ST18: variants seen among roughly 807,000 people sequenced by gnomAD.
ST18 encodes suppression of tumorigenicity 18 protein.
ST18 carries 50 observed loss-of-function variants against 110.0 expected under a neutral mutation model. The observed-to-expected ratio is 0.45, with a 90% CI of 0.36 to 0.58. ST18 has a LOEUF of 0.58. ST18 is among the 20% of genes least tolerant of loss of function. The pLI is 0.00. For missense variants in ST18, 1,306 were observed against 1,280.1 expected (o/e 1.02, Z -0.31); for synonymous variants, 461 against 452.4 (o/e 1.02, Z -0.24).
intron 9 of ST18, among the ~76,000 whole-genome samples, chr8:52,176,765 T>C (rs555419317): frequency 6.6e-6 from 1 of 152,320 alleles, no homozygotes; most frequent in East Asian, 1.9e-4. Flanking sequence ...TAAAACATCC[T>C]CTGAAAGTCA....
At chr8:52,278,661 C>T (rs2095319912) in intron 2 of ST18, among the ~76,000 whole-genome samples, 1 of 152,160 alleles carries the variant, frequency 6.6e-6, no homozygotes, top group Non-Finnish European at 1.5e-5. Flanking sequence ...CACAAACAAA[C>T]ACACTTGCCC....
At chr8:52,141,642 G>GTCA (rs2055104885) in intron 17 of ST18, among the ~76,000 whole-genome samples, 1 of 126,308 alleles carries the variant, frequency 7.9e-6, no homozygotes, top group African/African-American at 4.7e-5. Flanking sequence ...TCTCACATAA[G>GTCA]TGATTGAGAG....
intron 2 of ST18, among the ~76,000 whole-genome samples, chr8:52,384,046 C>A (rs190873309): frequency 6.6e-6 from 1 of 152,282 alleles, no homozygotes; most frequent in African/African-American, 2.4e-5. Flanking sequence ...AAGAAATGCA[C>A]CTCTATACCA....
At chr8:52,243,403 C>A (rs544259719) in intron 2 of ST18, among the ~76,000 whole-genome samples, 1 of 152,084 alleles carries the variant, frequency 6.6e-6, no homozygotes, top group African/African-American at 2.4e-5. Flanking sequence ...TGACTGGAAC[C>A]CAGGAGTACT....
intron 8 of ST18, among the ~76,000 whole-genome samples, chr8:52,210,603 A>C (rs1187287518): frequency 6.6e-6 from 1 of 152,172 alleles, no homozygotes; most frequent in Non-Finnish European, 1.5e-5. Context: ...GGCTGCAGCA[A>C]ACCATGATTG....
chr8:52,139,662 A>C (rs1320022312), intron 17 of ST18, among the ~76,000 whole-genome samples: 1 of 148,718 alleles, frequency 6.7e-6, no homozygotes, highest in East Asian at 1.9e-4. Context: ...GGCCTATTTT[A>C]TATTTTTAAA....
At position 52,363,129 on chromosome 8, in the gene ST18, G is replaced by A. The variant is rs188839207; in HGVS notation, c.-465+46199C>T. Among the ~76,000 whole-genome samples, 828 of 152,196 alleles carry A rather than the reference G, an allele frequency of 5.4e-3. 27 individuals are homozygous for A. Among genetic ancestry groups the A allele is most frequent in the Admixed American group, 0.043 (655 of 15,298 alleles). Reference sequence around the variant, plus strand: ...TGGGAGGCTGAGGCAGGAGAATGGCGTGAGCCTGGGAGGCAGAGCTTGCAG... The same window carrying A: ...TGGGAGGCTGAGGCAGGAGAATGGCATGAGCCTGGGAGGCAGAGCTTGCAG... On this transcript the variant is annotated intron_variant, in intron 2 of 25. Coordinates refer to ENST00000689386, the MANE Select transcript of ST18 (RefSeq NM_001352837.2).
At chr8:52,242,323 G>C (rs1169858056) in intron 2 of ST18, among the ~76,000 whole-genome samples, 3 of 152,180 alleles carry the variant, frequency 2.0e-5, no homozygotes, top group South Asian at 4.1e-4. Flanking sequence ...TAGAGTAAAA[G>C]CACAGAGGCA....
At chr8:52,166,472 G>T (rs990028877) in intron 11 of ST18, among the ~76,000 whole-genome samples, 1 of 152,082 alleles carries the variant, frequency 6.6e-6, no homozygotes, top group African/African-American at 2.4e-5. Flanking sequence ...AGTCAAACTG[G>T]CCAGTCCTAA....
Position 52,169,643 on chromosome 8 carries a change from A to G in ST18, c.1069+2149T>C, listed in dbSNP as rs117738481. The stretch of plus-strand genomic sequence containing the variant: ...TTGGGATAAGCATTGACTTAACAGC[A>G]TGGAGTGCATGTCAGAGAGAAAAAA... On this transcript the variant is annotated intron_variant, in intron 10 of 25. Coordinates refer to ENST00000689386, the MANE Select transcript of ST18 (RefSeq NM_001352837.2). Among the ~76,000 whole-genome samples, 523 of 152,348 alleles carry G rather than the reference A, an allele frequency of 3.4e-3. 3 individuals are homozygous for G. Among genetic ancestry groups the G allele is most frequent in the Middle Eastern group, 0.024 (7 of 294 alleles).
At chr8:52,125,464 C>T (rs1439320048) in intron 23 of ST18, among the ~76,000 whole-genome samples, 1 of 152,054 alleles carries the variant, frequency 6.6e-6, no homozygotes, top group Non-Finnish European at 1.5e-5. Flanking sequence ...AAGGACACAA[C>T]TTCCACTAGT....
intron 2 of ST18, chr8:52,407,131 C>T (rs563441955): frequency 6.6e-6 from 1 of 152,220 alleles, no homozygotes; most frequent in African/African-American, 2.4e-5. Flanking sequence ...TTATAATAAC[C>T]CTAAAACAAA....
chr8:52,289,032 C>A (rs1454642459), intron 2 of ST18, among the ~76,000 whole-genome samples: 2 of 152,174 alleles, frequency 1.3e-5, no homozygotes, highest in Admixed American at 1.3e-4. Context: ...TCTCCATCTG[C>A]ACCTGTACTG....
chr8:52,142,905 G>T (rs763296587), intron 17 of ST18, 25 bp downstream of exon 17: 4 of 1,467,574 alleles, frequency 2.7e-6, no homozygotes, highest in African/African-American at 2.8e-5. Flanking sequence ...GAATCTTAGA[G>T]GGCATGGCAT....
chr8:52,123,382 A>G (rs2045753111), intron 23 of ST18, among the ~76,000 whole-genome samples: 1 of 152,188 alleles, frequency 6.6e-6, no homozygotes, highest in South Asian at 2.1e-4. Flanking sequence ...GTTGGTTTAC[A>G]TCTACTTTAA....
At chr8:52,145,026 A>G (rs904479659) in intron 16 of ST18, among the ~76,000 whole-genome samples, 1 of 151,686 alleles carries the variant, frequency 6.6e-6, no homozygotes, top group African/African-American at 2.4e-5. Flanking sequence ...TCAATGTGGA[A>G]CAGCCTTTGT....
intron 2 of ST18, among the ~76,000 whole-genome samples, chr8:52,230,311 C>T (rs987123582): frequency 3.3e-5 from 5 of 151,560 alleles, no homozygotes; most frequent in African/African-American, 4.9e-5. Flanking sequence ...TCAGAAAATG[C>T]TTTTTAGATT....
chr8:52,397,751 T>C (rs961224667), intron 2 of ST18, among the ~76,000 whole-genome samples: 1 of 152,168 alleles, frequency 6.6e-6, no homozygotes, highest in African/African-American at 2.4e-5. Context: ...AAAAATTAGT[T>C]AAGTGCATAT....
intron 22 of ST18, 128 bp from the exon 23 acceptor site, chr8:52,126,268 T>C (rs1021367479): frequency 7.9e-6 from 7 of 882,206 alleles, no homozygotes; most frequent in Non-Finnish European, 1.2e-5. Flanking sequence ...CCACAGTCTC[T>C]TTGTAGAGAG....
Sources: allele counts gnomAD v4.1 joint callset (sites outside exome capture counted in the v4.1 genomes callset), GRCh38; gene constraint gnomAD v4.1.1; transcripts MANE v1.5; gene names NCBI Gene and HGNC (gene_info 2026-07-23, HGNC 2026-07-21).